Variants in IDO2 observed in about 807,000 individuals in gnomAD.
IDO2 encodes indoleamine 2,3-dioxygenase 2, also known as indoleamine 2,3-dioxygenase-like 1 protein.
In IDO2, 46 loss-of-function variants were observed where a neutral mutation model predicts 45.1. The observed-to-expected ratio is 1.02, with a 90% CI of 0.80 to 1.30. IDO2 has a LOEUF of 1.30. Among genes scored for constraint, IDO2 ranks in the 50% most tolerant of loss-of-function variants. The pLI, the probability that IDO2 is intolerant of heterozygous loss-of-function variation, is 0.00. For missense variants in IDO2, 544 were observed against 491.8 expected (o/e 1.11, Z -1.00); for synonymous variants, 218 against 184.9 (o/e 1.18, Z -1.45).
chr8:39,947,762 T>C (rs893816022), intron 1 of IDO2, among the ~76,000 whole-genome samples: 20 of 151,462 alleles, frequency 1.3e-4, no homozygotes, highest in African/African-American at 4.4e-4. Context: ...ACTAAATAAA[T>C]TAAATTTATG....
chr8:39,988,775 C>A (rs1808459597), intron 7 of IDO2, among the ~76,000 whole-genome samples: 1 of 152,094 alleles, frequency 6.6e-6, no homozygotes, highest in South Asian at 2.1e-4. Context: ...ATAGGGTGAC[C>A]CATTTCTGCT....
At chr8:39,995,182 TCTTCTTCTTCTTCTTCTTCTC>T (rs1243093268) in intron 8 of IDO2, 4 of 69,730 alleles carry the variant, frequency 5.7e-5, no homozygotes, top group African/African-American at 2.2e-4. Flanking sequence ...TCTTCTTCCT[TCTTCTTCTTCTTCTTCTTCTC>T]CTTCTCCTTC....
intron 3 of IDO2, among the ~76,000 whole-genome samples, chr8:39,974,702 C>T (rs1282304034): frequency 6.6e-6 from 1 of 152,212 alleles, no homozygotes; most frequent in African/African-American, 2.4e-5. Context: ...GCAGATCGAT[C>T]ACAAAGTCAA....
intron 2 of IDO2, among the ~76,000 whole-genome samples, chr8:39,955,575 C>A (rs1040791871): frequency 2.0e-5 from 3 of 151,790 alleles, no homozygotes; most frequent in African/African-American, 7.3e-5. Flanking sequence ...AGCTCTCATG[C>A]CAGGTGGGGG....
intron 4 of IDO2, among the ~76,000 whole-genome samples, chr8:39,981,841 CT>C (rs1405323346): frequency 2.6e-5 from 4 of 152,136 alleles, no homozygotes; most frequent in African/African-American, 9.7e-5. Flanking sequence ...CTCGTTCAGC[CT>C]TTACCTCCGA....
intron 1 of IDO2, among the ~76,000 whole-genome samples, chr8:39,945,338 C>A (rs1807714065): frequency 6.6e-6 from 1 of 152,114 alleles, no homozygotes; most frequent in Non-Finnish European, 1.5e-5. Context: ...GGCTTCATGC[C>A]CCTTCATGGG....
chr8:39,965,224 G>A (rs998428934), intron 3 of IDO2, among the ~76,000 whole-genome samples: 4 of 152,144 alleles, frequency 2.6e-5, no homozygotes, highest in African/African-American at 4.8e-5. Flanking sequence ...GGTGGCTCAC[G>A]CCTGTAATCC....
intron 2 of IDO2, among the ~76,000 whole-genome samples, chr8:39,950,724 C>T (rs887751698): frequency 1.6e-4 from 24 of 152,130 alleles, no homozygotes; most frequent in Non-Finnish European, 3.2e-4. Flanking sequence ...TTTACCCAAT[C>T]GGCTATTAGT....
At chr8:39,966,026 CTT>C (rs59731560) in intron 3 of IDO2, among the ~76,000 whole-genome samples, 109 of 96,516 alleles carry the variant, frequency 1.1e-3, no homozygotes, top group Middle Eastern at 6.1e-3. Context: ...TCTATCGCTT[CTT>C]TTTTTTTTTT....
chr8:39,965,493 C>T (rs775357588), intron 3 of IDO2, among the ~76,000 whole-genome samples: 1 of 148,690 alleles, frequency 6.7e-6, no homozygotes, highest in Non-Finnish European at 1.5e-5. Context: ...TCTCAAAAAA[C>T]AAAACAAAAC....
chr8:40,015,301 T>G (rs776608062), exon 11 of IDO2: 1 of 1,613,668 alleles, frequency 6.2e-7, no homozygotes, highest in Non-Finnish European at 8.5e-7. Context: ...AAGGCCTTCA[T>G]AGAAGACATC....
intron 7 of IDO2, 56 bp from the exon 8 acceptor site, chr8:39,989,665 C>A: frequency 8.1e-7 from 1 of 1,233,284 alleles, no homozygotes; most frequent in Non-Finnish European, 1.1e-6. Context: ...GCTTACTCTG[C>A]CTGCATGGAC....
chr8:39,969,347 A>G (rs1340414694), intron 3 of IDO2, among the ~76,000 whole-genome samples: 1 of 152,104 alleles, frequency 6.6e-6, no homozygotes, highest in African/African-American at 2.4e-5. Flanking sequence ...TAATGTTACT[A>G]TCATAATCGT....
At chr8:40,003,981 A>G (rs932144990) in intron 8 of IDO2, among the ~76,000 whole-genome samples, 1 of 152,154 alleles carries the variant, frequency 6.6e-6, no homozygotes, top group Non-Finnish European at 1.5e-5. Flanking sequence ...AAATCATTTT[A>G]CATAGAAGAT....
chr8:39,986,842 G>C (rs1001191707), intron 6 of IDO2: 3 of 142,022 alleles, frequency 2.1e-5, no homozygotes, highest in Non-Finnish European at 4.6e-5. Context: ...CTATTCTCAT[G>C]ATAGTGAGTT....
chr8:40,015,590 C>T lies in IDO2; in HGVS notation c.1212C>T (p.His404=), dbSNP rs747011736. ...ATAAGACCTTGGAGTCAATCCTTCACCCACGTGGTTAGGAGGCTGCCCTCT... is the reference window on the plus strand; with the variant it reads ...ATAAGACCTTGGAGTCAATCCTTCATCCACGTGGTTAGGAGGCTGCCCTCT... Residue 404 remains histidine (H), a synonymous_variant, in exon 11 of 11, where the codon CAC becomes CAT. Coordinates refer to ENST00000502986, the Ensembl canonical transcript of IDO2. The T allele has an allele frequency of 3.7e-6, 6 of 1,610,346 alleles. No individual in the cohort carries two copies. The Admixed American group carries it at 6.7e-5, about 18-fold the overall frequency.
chr8:39,957,237 T>C (rs1807918879), intron 2 of IDO2, among the ~76,000 whole-genome samples: 1 of 152,120 alleles, frequency 6.6e-6, no homozygotes, highest in South Asian at 2.1e-4. Context: ...CCTAGGACTA[T>C]TGTCTCCTCC....
At chr8:40,015,760 T>C (rs1802378967) in exon 11 of IDO2, 1 of 615,786 alleles carries the variant, frequency 1.6e-6, no homozygotes, top group African/African-American at 1.8e-5. Flanking sequence ...TGAGAGCTGT[T>C]GGCTTCACAA....
intron 1 of IDO2, among the ~76,000 whole-genome samples, chr8:39,948,207 C>A (rs1173326791): frequency 2.0e-5 from 3 of 152,224 alleles, no homozygotes; most frequent in African/African-American, 7.2e-5. Context: ...CCTTCTTTAA[C>A]GTGATCGAAT....
Sources: allele counts gnomAD v4.1 joint callset (sites outside exome capture counted in the v4.1 genomes callset), GRCh38; gene constraint gnomAD v4.1.1; transcripts MANE v1.5; gene names NCBI Gene and HGNC (gene_info 2026-07-23, HGNC 2026-07-21).